Variants in KSR2 observed in about 807,000 individuals in gnomAD.
KSR2 encodes the protein kinase suppressor of ras 2.
Under a neutral mutation model 107.8 loss-of-function variants are expected in KSR2, and 25 were observed. The observed-to-expected ratio is 0.23, with a 90% CI of 0.17 to 0.32. The LOEUF (loss-of-function observed/expected upper bound fraction) is 0.32, where lower values mean the gene tolerates loss of function less well. Ranked by LOEUF, KSR2 falls within the 10% of genes least tolerant of loss-of-function variation. The pLI is 1.00. For synonymous variants in KSR2, 480 were observed against 507.0 expected, an observed-to-expected ratio of 0.95 and a Z score of 0.71; for missense variants, 887 against 1,268.9, an observed-to-expected ratio of 0.70 and a Z score of 4.57.
intron 1 of KSR2, among the ~76,000 whole-genome samples, chr12:117,909,005 T>C (rs1894938272): frequency 6.6e-6 from 1 of 152,164 alleles, no homozygotes; most frequent in Non-Finnish European, 1.5e-5. Context: ...GTGGCTTCAA[T>C]AGGCACAGCT....
chr12:117,603,477 C>A (rs1881067562), intron 5 of KSR2, among the ~76,000 whole-genome samples: 1 of 152,108 alleles, frequency 6.6e-6, no homozygotes, highest in South Asian at 2.1e-4. Flanking sequence ...TGAGTGCCTG[C>A]CCACCGCCCT....
At chr12:117,739,776 G>C (rs1565989486) in intron 4 of KSR2, among the ~76,000 whole-genome samples, 1 of 152,134 alleles carries the variant, frequency 6.6e-6, no homozygotes, top group Non-Finnish European at 1.5e-5. Flanking sequence ...AGGTAAGATA[G>C]GGGTGCTGGG....
Position 117,761,137 on chromosome 12 carries a change from G to T in KSR2, c.860C>A (p.Pro287His). The change falls in exon 4 of 20, where the codon CCC (proline) becomes CAC (histidine). Residue 287 changes from proline (P) to histidine (H), a missense_variant. Pro to His is a moderately conservative substitution (Grantham distance 77, BLOSUM62 -2). Coordinates refer to ENST00000339824, the MANE Select transcript of KSR2 (RefSeq NM_173598.6). ...PPMRKKNKLK[P>H]PGTPPPSSRK... ...GGAGGAGGGCGGTGGGGTCCCCGGG[G>T]GCTTCAGCTTGTTCTTCTTCCTCAT... 1 of 1,612,000 alleles carries T rather than the reference G, an allele frequency of 6.2e-7. No individual in the cohort carries two copies. Among genetic ancestry groups the T allele is most frequent in the Non-Finnish European group, 8.5e-7 (1 of 1,178,748 alleles).
chr12:117,797,674 G>T (rs1211189306), intron 3 of KSR2, among the ~76,000 whole-genome samples: 1 of 147,282 alleles, frequency 6.8e-6, no homozygotes, highest in Non-Finnish European at 1.5e-5. Context: ...TTGACATAGG[G>T]TCCTGCTCTG....
intron 1 of KSR2, among the ~76,000 whole-genome samples, chr12:117,878,713 G>A (rs1593333118): frequency 2.0e-5 from 3 of 152,166 alleles, no homozygotes; most frequent in Admixed American, 2.0e-4. Flanking sequence ...CCAGACTCGA[G>A]GTAAGAGCAG....
At chr12:117,562,363 G>A (rs1312634411) in intron 7 of KSR2, among the ~76,000 whole-genome samples, 1 of 152,196 alleles carries the variant, frequency 6.6e-6, no homozygotes, top group African/African-American at 2.4e-5. Context: ...CCATGACATG[G>A]CCAGACTGAT....
chr12:117,857,558 C>G (rs963754913), intron 2 of KSR2, among the ~76,000 whole-genome samples: 1 of 151,936 alleles, frequency 6.6e-6, no homozygotes, highest in African/African-American at 2.4e-5. Context: ...AATGGAGAAA[C>G]CCTTAACAAA....
intron 3 of KSR2, among the ~76,000 whole-genome samples, chr12:117,834,626 C>T (rs1892123826): frequency 6.6e-6 from 1 of 152,186 alleles, no homozygotes; most frequent in Non-Finnish European, 1.5e-5. Flanking sequence ...GAAAACTTCC[C>T]CTGACCTTGC....
intron 17 of KSR2, among the ~76,000 whole-genome samples, chr12:117,475,256 T>C (rs1233543278): frequency 1.3e-5 from 2 of 152,148 alleles, no homozygotes; most frequent in African/African-American, 2.4e-5. Flanking sequence ...GAAGATGAAA[T>C]GAAAACTCCT....
intron 5 of KSR2, among the ~76,000 whole-genome samples, chr12:117,647,631 A>G (rs1194793084): frequency 1.3e-5 from 2 of 152,174 alleles, no homozygotes; most frequent in Admixed American, 1.3e-4. Context: ...TAGCTGGGAG[A>G]ACAGGCTTTT....
chr12:117,719,506 G>A (rs1887125002), intron 4 of KSR2, among the ~76,000 whole-genome samples: 2 of 152,120 alleles, frequency 1.3e-5, no homozygotes, highest in South Asian at 4.1e-4. Flanking sequence ...AACAATTCAG[G>A]TCTTGCATTC....
At chr12:117,522,634 G>T (rs1874836750) in intron 14 of KSR2, among the ~76,000 whole-genome samples, 1 of 152,212 alleles carries the variant, frequency 6.6e-6, no homozygotes, top group African/African-American at 2.4e-5. Flanking sequence ...AGTAGAGGCT[G>T]TGTCTCCATG....
At chr12:117,798,253 C>T (rs971361640) in intron 3 of KSR2, among the ~76,000 whole-genome samples, 1 of 152,172 alleles carries the variant, frequency 6.6e-6, no homozygotes, top group Non-Finnish European at 1.5e-5. Flanking sequence ...TACTCAGTCT[C>T]TCATATCCGC....
chr12:117,666,360 T>C (rs1014907076), intron 5 of KSR2, among the ~76,000 whole-genome samples: 5 of 152,198 alleles, frequency 3.3e-5, no homozygotes, highest in Non-Finnish European at 7.3e-5. Flanking sequence ...AACCCTTAGA[T>C]AAAAGTAATG....
At chr12:117,944,549 T>A (rs1380501627) in intron 1 of KSR2, among the ~76,000 whole-genome samples, 1 of 151,662 alleles carries the variant, frequency 6.6e-6, no homozygotes, top group African/African-American at 2.4e-5. Flanking sequence ...GTTATCTCAG[T>A]TTGTAAAATC....
chr12:117,694,848 T>TCTTC (rs1411199415), intron 4 of KSR2, among the ~76,000 whole-genome samples: 9 of 126,954 alleles, frequency 7.1e-5, no homozygotes, highest in African/African-American at 1.9e-4. Context: ...TATGATTCTT[T>TCTTC]TTTTTTTTTT....
At chr12:117,903,823 C>T (rs1894760577) in intron 1 of KSR2, among the ~76,000 whole-genome samples, 1 of 152,104 alleles carries the variant, frequency 6.6e-6, no homozygotes, top group South Asian at 2.1e-4. Flanking sequence ...CTGGGAAACA[C>T]AGGGAAACTC....
chr12:117,780,050 T>C (rs1889832396), intron 3 of KSR2, among the ~76,000 whole-genome samples: 1 of 152,116 alleles, frequency 6.6e-6, no homozygotes, highest in Admixed American at 6.6e-5. Context: ...AAACATATCA[T>C]GAAAAAAGTA....
intron 3 of KSR2, among the ~76,000 whole-genome samples, chr12:117,853,178 A>G (rs76101377): frequency 0.01 from 1,527 of 152,336 alleles, 24 homozygotes; most frequent in African/African-American, 0.034. Context: ...GGGGTCCCCA[A>G]AGATAACACT....
Sources: allele counts gnomAD v4.1 joint callset (sites outside exome capture counted in the v4.1 genomes callset), GRCh38; gene constraint gnomAD v4.1.1; transcripts MANE v1.5; gene names NCBI Gene and HGNC (gene_info 2026-07-23, HGNC 2026-07-21).